PCSK5: variants seen among roughly 807,000 people sequenced by gnomAD.
PCSK5 encodes the protein proprotein convertase subtilisin/kexin type 5, also known as prohormone convertase 5.
A neutral mutation model predicts 233.2 loss-of-function variants in PCSK5; 129 were observed. That is an observed-to-expected ratio of 0.55 (90% CI 0.48 to 0.64). The LOEUF (loss-of-function observed/expected upper bound fraction) is 0.64, where lower values mean the gene tolerates loss of function less well. PCSK5 is among the 30% of genes least tolerant of loss of function. The probability of loss-of-function intolerance (pLI) is 0.00; values close to 1 mark genes in which losing one functional copy is unlikely to be tolerated. For synonymous variants in PCSK5, 825 were observed against 879.2 expected (o/e 0.94, Z 1.09); for missense variants, 2,076 against 2,430.1 (o/e 0.85, Z 3.06).
intron 30 of PCSK5, among the ~76,000 whole-genome samples, chr9:76,320,465 C>CTTTTTTTTTTTT (rs140154837): frequency 9.8e-6 from 1 of 102,022 alleles, no homozygotes; most frequent in Non-Finnish European, 1.9e-5. Context: ...TACATTGTAG[C>CTTTTTTTTTTTT]TTTTTTTTTT....
chr9:76,100,583 T>C (rs1398498467), intron 8 of PCSK5, among the ~76,000 whole-genome samples: 1 of 152,238 alleles, frequency 6.6e-6, no homozygotes, highest in African/African-American at 2.4e-5. Flanking sequence ...CCCAAACTCA[T>C]CTTGTAGCCA....
At chr9:75,968,945 C>T (rs1424711677) in intron 2 of PCSK5, among the ~76,000 whole-genome samples, 2 of 145,224 alleles carry the variant, frequency 1.4e-5, no homozygotes, top group Non-Finnish European at 3.0e-5. Context: ...TTGGTGTCCT[C>T]GGGAACATTT....
At chr9:76,069,936 G>A (rs544592240) in intron 6 of PCSK5, among the ~76,000 whole-genome samples, 1 of 151,192 alleles carries the variant, frequency 6.6e-6, no homozygotes, top group Non-Finnish European at 1.5e-5. Context: ...GCAGTACATC[G>A]AGATCATTAT....
At chr9:75,970,622 A>AT (rs1825778653) in intron 2 of PCSK5, among the ~76,000 whole-genome samples, 1 of 151,884 alleles carries the variant, frequency 6.6e-6, no homozygotes, top group African/African-American at 2.4e-5. Flanking sequence ...ACTTTATTTT[A>AT]TTTATTTATT....
intron 30 of PCSK5, among the ~76,000 whole-genome samples, chr9:76,319,547 C>G (rs1444202623): frequency 1.3e-5 from 2 of 152,052 alleles, no homozygotes; most frequent in African/African-American, 2.4e-5. Flanking sequence ...CTCTGTCACG[C>G]CCACATAAGG....
chr9:76,071,830 G>A lies in PCSK5; in HGVS notation c.826G>A (p.Asp276Asn). ...HIYSASWGPDDDGKTVDGPAP... is the reference protein window; with the variant it reads ...HIYSASWGPDNDGKTVDGPAP... ...TTACAGCGCCAGCTGGGGCCCGGAT[G>A]ATGATGGCAAGACTGTGGACGGACC... is the stretch of plus-strand genomic sequence containing the variant. The change falls in exon 7 of 38, where the codon GAT (aspartate) becomes AAT (asparagine). Residue 276 changes from aspartate to asparagine, a missense_variant. This residue lies in a region of PCSK5 where 178 missense variants were observed against 393.6 expected (regional missense o/e 0.45). Transcript: ENST00000674117. 6.2e-7 allele frequency: 1 copy of A among 1,614,198 alleles called. No individual in the cohort carries two copies. The highest frequency in any genetic ancestry group is 8.5e-7 in the Non-Finnish European group (1 of 1,180,016).
chr9:76,066,839 T>C (rs1375914576), intron 5 of PCSK5, among the ~76,000 whole-genome samples: 1 of 152,068 alleles, frequency 6.6e-6, no homozygotes, highest in Non-Finnish European at 1.5e-5. Flanking sequence ...AGCACTGAAA[T>C]GGATTTGGGG....
At chr9:76,189,504 G>A in intron 19 of PCSK5, 127 bp from the exon 20 acceptor site, 1 of 684,786 alleles carries the variant, frequency 1.5e-6, no homozygotes, top group Non-Finnish European at 2.5e-6. Context: ...AGCAATTGTT[G>A]TGAGGAAAGA....
At chr9:76,250,003 A>G (rs909812118) in intron 24 of PCSK5, among the ~76,000 whole-genome samples, 3 of 152,218 alleles carry the variant, frequency 2.0e-5, no homozygotes, top group Non-Finnish European at 4.4e-5. Context: ...TTATTTAAAT[A>G]TTCCTCTTTT....
At chr9:76,210,733 G>A (rs901104700) in intron 20 of PCSK5, among the ~76,000 whole-genome samples, 1 of 152,198 alleles carries the variant, frequency 6.6e-6, no homozygotes, top group Non-Finnish European at 1.5e-5. Context: ...GACAGAATTG[G>A]CGTGGGGGGT....
chr9:76,134,638 A>C, intron 10 of PCSK5, among the ~76,000 whole-genome samples: 1 of 152,080 alleles, frequency 6.6e-6, no homozygotes, highest in Admixed American at 6.6e-5. Flanking sequence ...AAGGCCATGC[A>C]TTCTACAAAT....
chr9:75,997,314 T>G (rs1827062195), intron 3 of PCSK5, among the ~76,000 whole-genome samples: 1 of 152,304 alleles, frequency 6.6e-6, no homozygotes, highest in African/African-American at 2.4e-5. Flanking sequence ...GCTAGGAAAT[T>G]CATGGAGTAA....
In PCSK5 at chr9:75,891,174, C is replaced by T; in HGVS notation, c.-8C>T. 6.8e-7 allele frequency: 1 copy of T among 1,461,200 alleles called. No homozygotes were observed. The highest frequency in any genetic ancestry group is 9.0e-7 in the Non-Finnish European group (1 of 1,114,930). The allele number at this position is 1,461,200 out of a possible 1,614,324, so 90.5% of individuals were successfully genotyped here. ...CAGCGAGCGAGGGAGCAGCGAGGCG[C>T]CGGGACCATGGGCTGGGGGAGCCGC... On this transcript the variant is annotated 5_prime_UTR_variant, in exon 1 of 38. Coordinates refer to ENST00000674117, the MANE Select transcript of PCSK5 (RefSeq NM_001372043.1).
chr9:76,098,544 T>C (rs1297881210), intron 8 of PCSK5, among the ~76,000 whole-genome samples: 1 of 152,238 alleles, frequency 6.6e-6, no homozygotes, highest in Non-Finnish European at 1.5e-5. Context: ...AAATTCCTGA[T>C]GAAAACTCGA....
At chr9:75,994,400 C>CTTTTTTTTTTTTTTT (rs550518074) in intron 3 of PCSK5, among the ~76,000 whole-genome samples, 2 of 82,038 alleles carry the variant, frequency 2.4e-5, no homozygotes, top group African/African-American at 5.9e-5. Context: ...TTCTTTCTTT[C>CTTTTTTTTTTTTTTT]TTTTTTTTTT....
chr9:76,292,821 C>T (rs1224403262), intron 25 of PCSK5, among the ~76,000 whole-genome samples: 1 of 152,166 alleles, frequency 6.6e-6, no homozygotes, highest in Non-Finnish European at 1.5e-5. Flanking sequence ...TCTAGCTTCC[C>T]TTCCAGCACA....
chr9:76,153,347 T>C (rs1454992945), intron 10 of PCSK5, among the ~76,000 whole-genome samples: 1 of 152,252 alleles, frequency 6.6e-6, no homozygotes, highest in East Asian at 1.9e-4. Context: ...TAACTAAGAT[T>C]AAAACTGAAT....
chr9:75,992,916 G>A (rs2131407501), intron 3 of PCSK5, among the ~76,000 whole-genome samples: 1 of 152,258 alleles, frequency 6.6e-6, no homozygotes, highest in South Asian at 2.1e-4. Flanking sequence ...TGCGTGTGGG[G>A]CATATCTGCC....
intron 25 of PCSK5, among the ~76,000 whole-genome samples, chr9:76,294,261 C>T (rs545921696): frequency 6.6e-6 from 1 of 151,890 alleles, no homozygotes; most frequent in African/African-American, 2.4e-5. Context: ...CATGCTGATG[C>T]TCTGAAATTC....
Sources: gnomAD v4.1 joint callset for allele counts (sites outside exome capture counted in the v4.1 genomes callset) on GRCh38, gnomAD v4.1.1 for gene constraint, gnomAD v4.1.1 regional missense constraint, MANE v1.5 for transcripts, NCBI Gene and HGNC (gene_info 2026-07-23, HGNC 2026-07-21) for gene names.